Variants in KLHL1 observed in about 807,000 individuals in gnomAD.
KLHL1 encodes the protein kelch like family member 1.
KLHL1 carries 47 observed loss-of-function variants against 77.7 expected under a neutral mutation model. The observed-to-expected ratio is 0.60, with a 90% CI of 0.48 to 0.77. KLHL1 has a LOEUF of 0.77. Among genes scored for constraint, KLHL1 ranks in the 30% least tolerant of loss-of-function variants. KLHL1 has a pLI of 0.00. For missense variants in KLHL1, 925 were observed against 910.8 expected, an observed-to-expected ratio of 1.02 and a Z score of -0.20; for synonymous variants, 360 against 325.2, an observed-to-expected ratio of 1.11 and a Z score of -1.15.
intron 1 of KLHL1, among the ~76,000 whole-genome samples, chr13:69,978,981 T>G (rs4307825): frequency 0.62 from 93,304 of 151,618 alleles, 31,279 homozygotes; most frequent in South Asian, 0.76. Flanking sequence ...TTTGGGGGGC[T>G]GGGGGTCATA....
In KLHL1 at chr13:69,735,282, T is replaced by G. The variant is rs189364698; in HGVS notation, c.1802+5112A>C. ...AAATAACAACTGATATCAGAGACTA[T>G]AAAGCACTATAAAGGTTTTCAATTA... is the stretch of plus-strand genomic sequence containing the variant. On this transcript the variant is annotated intron_variant, in intron 8 of 10. Transcript: ENST00000377844. Among the ~76,000 whole-genome samples the G allele has an allele frequency of 2.2e-4, 34 of 151,634 alleles. No homozygotes were observed. The East Asian group carries it at 5.5e-3, about 24-fold the overall frequency.
At chr13:69,768,659 CTT>C (rs1230915671) in intron 7 of KLHL1, among the ~76,000 whole-genome samples, 1 of 152,054 alleles carries the variant, frequency 6.6e-6, no homozygotes, top group Non-Finnish European at 1.5e-5. Context: ...ATTTAAATCT[CTT>C]ATACATTGAT....
Position 70,053,198 on chromosome 13 carries a change from A to C in KLHL1, c.497+54005T>G, listed in dbSNP as rs1886669874. ...ATATAGGGTCAAGAAAACACAAAAT[A>C]TAGTAGATTTTATGAATAGAACATA... is the stretch of plus-strand genomic sequence containing the variant. On this transcript the variant is annotated intron_variant, in intron 1 of 10. Coordinates refer to ENST00000377844, the MANE Select transcript of KLHL1 (RefSeq NM_020866.3). Among the ~76,000 whole-genome samples, 3 of 152,228 alleles carry C rather than the reference A, an allele frequency of 2.0e-5. No homozygotes were observed. In the South Asian group the frequency reaches 6.2e-4, roughly 32 times the overall value.
chr13:70,056,997 CAAAA>C (rs34192638), intron 1 of KLHL1, among the ~76,000 whole-genome samples: 100,608 of 150,526 alleles, frequency 0.67, 33,865 homozygotes, highest in East Asian at 0.79. Flanking sequence ...ACAAAAATAT[CAAAA>C]AAAAAATTGA....
At chr13:69,726,011 T>A (rs942843368) in intron 8 of KLHL1, among the ~76,000 whole-genome samples, 2 of 152,170 alleles carry the variant, frequency 1.3e-5, no homozygotes, top group African/African-American at 4.8e-5. Flanking sequence ...GAAAGTCTTT[T>A]CTGATCCCAT....
chr13:69,887,275 G>A (rs930976977), intron 4 of KLHL1, among the ~76,000 whole-genome samples: 1 of 152,078 alleles, frequency 6.6e-6, no homozygotes, highest in African/African-American at 2.4e-5. Flanking sequence ...AGATTGAAAC[G>A]AAATTTTCAG....
At chr13:69,950,968 AT>A (rs1358073724) in intron 3 of KLHL1, among the ~76,000 whole-genome samples, 1 of 151,632 alleles carries the variant, frequency 6.6e-6, no homozygotes, top group Non-Finnish European at 1.5e-5. Flanking sequence ...TTATATGTAT[AT>A]TTAAAATATT....
intron 1 of KLHL1, among the ~76,000 whole-genome samples, chr13:70,072,360 A>T (rs1204869946): frequency 6.6e-6 from 1 of 152,158 alleles, no homozygotes; most frequent in Non-Finnish European, 1.5e-5. Context: ...TCTACTAAAT[A>T]GTTAAGGTAG....
chr13:69,973,080 T>A (rs912218923), intron 2 of KLHL1, among the ~76,000 whole-genome samples: 11 of 151,968 alleles, frequency 7.2e-5, no homozygotes, highest in Admixed American at 4.6e-4. Flanking sequence ...ATTTTGATTA[T>A]TTTTCATGCA....
intron 1 of KLHL1, among the ~76,000 whole-genome samples, chr13:70,058,098 C>T (rs1886793458): frequency 6.6e-6 from 1 of 152,166 alleles, no homozygotes; most frequent in African/African-American, 2.4e-5. Context: ...TGCCTCAACA[C>T]AGAGCCATAT....
At chr13:69,953,128 C>T (rs1346540594) in intron 3 of KLHL1, among the ~76,000 whole-genome samples, 2 of 150,838 alleles carry the variant, frequency 1.3e-5, no homozygotes, top group Admixed American at 1.3e-4. Context: ...TTTTATGATT[C>T]TTCTTCAGAT....
At chr13:69,946,259 G>A (rs146468102) in intron 3 of KLHL1, among the ~76,000 whole-genome samples, 1,566 of 152,106 alleles carry the variant, frequency 0.01, 26 homozygotes, top group African/African-American at 0.035. Flanking sequence ...TCATTACTTT[G>A]TGGTGAGTAT....
At chr13:69,822,280 A>C (rs1383084540) in intron 6 of KLHL1, among the ~76,000 whole-genome samples, 3 of 152,156 alleles carry the variant, frequency 2.0e-5, no homozygotes, top group African/African-American at 7.2e-5. Flanking sequence ...ATAATCCCAA[A>C]AGAATGAATT....
chr13:70,089,125 T>A (rs1887616291), intron 1 of KLHL1, among the ~76,000 whole-genome samples: 1 of 151,956 alleles, frequency 6.6e-6, no homozygotes. Context: ...TAAGAATGGG[T>A]GGGGGGTGGA....
rs1885415937 is a variant in KLHL1, at chr13:70,006,707, G to C, written c.498-30905C>G. The stretch of plus-strand genomic sequence containing the variant: ...CATGTCGGGGTTATTACCAGTTTTA[G>C]GGAGAAAGATCCCAAAGGCAAAGTC... On this transcript the variant is annotated intron_variant, in intron 1 of 10. Coordinates refer to ENST00000377844, the MANE Select transcript of KLHL1 (RefSeq NM_020866.3). 2.0e-5 allele frequency among the ~76,000 whole-genome samples: 3 copies of C among 151,818 alleles called. No individual in the cohort carries two copies. The South Asian group carries it at 6.2e-4, about 32-fold the overall frequency.
chr13:70,045,863 A>G (rs920623675), intron 1 of KLHL1, among the ~76,000 whole-genome samples: 1 of 152,202 alleles, frequency 6.6e-6, no homozygotes, highest in African/African-American at 2.4e-5. Context: ...TTAACAGAGC[A>G]CCTTCCTCTA....
intron 6 of KLHL1, among the ~76,000 whole-genome samples, chr13:69,816,850 C>T (rs1465951588): frequency 2.0e-5 from 3 of 151,974 alleles, no homozygotes; most frequent in Admixed American, 1.3e-4. Context: ...CCCAGCTATT[C>T]GGGAGGCTGA....
At chr13:69,771,850 A>C (rs920424614) in intron 7 of KLHL1, among the ~76,000 whole-genome samples, 2 of 152,234 alleles carry the variant, frequency 1.3e-5, no homozygotes, top group Non-Finnish European at 2.9e-5. Context: ...CATGCGAATC[A>C]AAATGTGGAG....
chr13:69,985,112 A>G (rs1395046184), intron 1 of KLHL1, among the ~76,000 whole-genome samples: 1 of 149,128 alleles, frequency 6.7e-6, no homozygotes, highest in Non-Finnish European at 1.5e-5. Context: ...ACTCTGTCTC[A>G]AAACAGACAA....
Sources: gnomAD v4.1 joint callset for allele counts (sites outside exome capture counted in the v4.1 genomes callset) on GRCh38, gnomAD v4.1.1 for gene constraint, MANE v1.5 for transcripts, NCBI Gene and HGNC (gene_info 2026-07-23, HGNC 2026-07-21) for gene names.